The following CNTNAP2 variants were observed in gnomAD, a reference collection of about 807,000 sequenced individuals.
The protein encoded by CNTNAP2 is contactin associated protein 2.
CNTNAP2 carries 98 observed loss-of-function variants against 155.2 expected under a neutral mutation model. The ratio of observed to expected loss-of-function variants is 0.63; its 90% CI spans 0.54 to 0.75. The LOEUF is 0.75. CNTNAP2 is among the 30% of genes least tolerant of loss of function. CNTNAP2 has a pLI of 0.00. For missense variants in CNTNAP2, 1,727 were observed against 1,688.1 expected (o/e 1.02, Z -0.40); for synonymous variants, 651 against 631.2 (o/e 1.03, Z -0.47).
At chr7:146,124,041 T>C (rs916304187) in intron 1 of CNTNAP2, among the ~76,000 whole-genome samples, 1 of 152,058 alleles carries the variant, frequency 6.6e-6, no homozygotes, top group Non-Finnish European at 1.5e-5. Flanking sequence ...AAGTGGGAGT[T>C]GAATAATGAG....
intron 9 of CNTNAP2, among the ~76,000 whole-genome samples, chr7:147,379,153 A>G (rs886589433): frequency 3.9e-5 from 6 of 152,098 alleles, no homozygotes; most frequent in African/African-American, 1.4e-4. Flanking sequence ...GCACTGCAGA[A>G]CAGTGAGTCA....
At chr7:147,183,096 G>A (rs1215501896) in intron 8 of CNTNAP2, among the ~76,000 whole-genome samples, 3 of 151,776 alleles carry the variant, frequency 2.0e-5, no homozygotes, top group Non-Finnish European at 4.4e-5. Context: ...CTGGCTAGCA[G>A]CTTAGAACAA....
chr7:146,770,375 G>C (rs980314766), intron 1 of CNTNAP2, among the ~76,000 whole-genome samples: 1 of 151,586 alleles, frequency 6.6e-6, no homozygotes, highest in East Asian at 1.9e-4. Context: ...GCCTGAAGTA[G>C]TGAAAACAGC....
At chr7:147,064,573 C>A (rs1799743768) in intron 4 of CNTNAP2, among the ~76,000 whole-genome samples, 1 of 152,154 alleles carries the variant, frequency 6.6e-6, no homozygotes, top group African/African-American at 2.4e-5. Context: ...ACCTTGAATG[C>A]ACACACACCG....
intron 14 of CNTNAP2, among the ~76,000 whole-genome samples, chr7:147,928,920 G>A (rs1329271371): frequency 9.9e-5 from 15 of 151,368 alleles, no homozygotes; most frequent in African/African-American, 1.5e-4. Flanking sequence ...GAGAAACCCC[G>A]TCTCTACTAA....
chr7:147,710,106 C>T (rs1323418384), intron 13 of CNTNAP2, among the ~76,000 whole-genome samples: 1 of 152,110 alleles, frequency 6.6e-6, no homozygotes, highest in Non-Finnish European at 1.5e-5. Flanking sequence ...AACCAGCTGG[C>T]ATCCTACAAA....
intron 1 of CNTNAP2, among the ~76,000 whole-genome samples, chr7:146,171,476 T>G (rs1798389271): frequency 6.6e-6 from 1 of 152,336 alleles, no homozygotes; most frequent in African/African-American, 2.4e-5. Flanking sequence ...AATAATTTTC[T>G]ATTTGTCATA....
intron 1 of CNTNAP2, among the ~76,000 whole-genome samples, chr7:146,396,411 TTTTTA>T (rs1337541864): frequency 1.3e-5 from 2 of 151,914 alleles, no homozygotes; most frequent in African/African-American, 4.8e-5. Flanking sequence ...AATCTTATGG[TTTTTA>T]TTTTATTATT....
At chr7:146,697,488 C>G (rs147911293) in intron 1 of CNTNAP2, among the ~76,000 whole-genome samples, 1 of 152,196 alleles carries the variant, frequency 6.6e-6, no homozygotes, top group Non-Finnish European at 1.5e-5. Context: ...ATCTTCCCTT[C>G]TCAGCCTCCC....
intron 1 of CNTNAP2, among the ~76,000 whole-genome samples, chr7:146,764,792 A>G (rs1337253244): frequency 6.6e-6 from 1 of 152,150 alleles, no homozygotes; most frequent in Non-Finnish European, 1.5e-5. Context: ...TTATTTTTAA[A>G]CATAGCTATT....
At chr7:146,534,113 C>T (rs1216828207) in intron 1 of CNTNAP2, among the ~76,000 whole-genome samples, 1 of 151,944 alleles carries the variant, frequency 6.6e-6, no homozygotes, top group African/African-American at 2.4e-5. Flanking sequence ...AAATGACTGA[C>T]TTGCTGCATT....
At chr7:146,326,307 A>G (rs1471788761) in intron 1 of CNTNAP2, among the ~76,000 whole-genome samples, 3 of 152,164 alleles carry the variant, frequency 2.0e-5, no homozygotes. Context: ...CAGAAAATCA[A>G]TAAACTATTC....
chr7:147,065,177 G>C (rs1799754463), intron 4 of CNTNAP2, among the ~76,000 whole-genome samples: 1 of 152,080 alleles, frequency 6.6e-6, no homozygotes, highest in South Asian at 2.1e-4. Flanking sequence ...CCTTTTTGGA[G>C]CTCAGTTTCC....
chr7:146,429,444 C>T (rs374344138), intron 1 of CNTNAP2, among the ~76,000 whole-genome samples: 12 of 152,022 alleles, frequency 7.9e-5, no homozygotes, highest in African/African-American at 2.7e-4. Context: ...TCCTTTACTT[C>T]CCTTGTTAGT....
chr7:146,527,842 A>G (rs112869816), intron 1 of CNTNAP2, among the ~76,000 whole-genome samples: 1,939 of 150,232 alleles, frequency 0.013, 24 homozygotes, highest in Middle Eastern at 0.021. Context: ...GAAATTTGGA[A>G]GTTTTATTTC....
At chr7:147,998,675 G>A (rs758545446) in intron 15 of CNTNAP2, among the ~76,000 whole-genome samples, 18 of 152,098 alleles carry the variant, frequency 1.2e-4, no homozygotes, top group African/African-American at 4.4e-4. Flanking sequence ...TTAGCCAAAC[G>A]TAAAGAAGCA....
chr7:147,261,657 G>A (rs984249701), intron 8 of CNTNAP2, among the ~76,000 whole-genome samples: 1 of 151,950 alleles, frequency 6.6e-6, no homozygotes, highest in African/African-American at 2.4e-5. Context: ...TTTGAATGGC[G>A]TTGTCAGGTT....
intron 21 of CNTNAP2, among the ~76,000 whole-genome samples, chr7:148,293,992 A>T (rs1412029872): frequency 6.1e-5 from 8 of 131,436 alleles, no homozygotes; most frequent in African/African-American, 2.2e-4. Flanking sequence ...CCGAGATTGC[A>T]TTGCACCACT....
chr7:148,236,360 C>G (rs187346583), intron 20 of CNTNAP2, among the ~76,000 whole-genome samples: 3 of 152,274 alleles, frequency 2.0e-5, no homozygotes, highest in African/African-American at 7.2e-5. Flanking sequence ...TCTTACTGCC[C>G]CATTGTTGGT....
Sources: gnomAD v4.1 joint callset for allele counts (sites outside exome capture counted in the v4.1 genomes callset) on GRCh38, gnomAD v4.1.1 for gene constraint, MANE v1.5 for transcripts, NCBI Gene and HGNC (gene_info 2026-07-23, HGNC 2026-07-21) for gene names.